Variants in FMN1 observed in about 807,000 individuals in gnomAD.
The protein encoded by FMN1 is formin-1.
In FMN1, 110 loss-of-function variants were observed where a neutral mutation model predicts 132.4. The ratio of observed to expected loss-of-function variants is 0.83; its 90% CI spans 0.71 to 0.97. FMN1 has a LOEUF of 0.97. Among genes scored for constraint, FMN1 ranks in the 50% least tolerant of loss-of-function variants. The pLI is 0.00. For missense variants in FMN1, 1,792 were observed against 1,705.3 expected (o/e 1.05, Z -0.90); for synonymous variants, 722 against 651.7 (o/e 1.11, Z -1.64).
At chr15:32,847,657 A>T (rs1257305292) in intron 17 of FMN1, among the ~76,000 whole-genome samples, 1 of 152,210 alleles carries the variant, frequency 6.6e-6, no homozygotes. Flanking sequence ...GATCGAGACC[A>T]TCCTGGCTAA....
chr15:32,887,001 A>G (rs1304692702), intron 16 of FMN1, among the ~76,000 whole-genome samples: 1 of 149,716 alleles, frequency 6.7e-6, no homozygotes, highest in Admixed American at 6.6e-5. Flanking sequence ...AATGGGAGAA[A>G]AAAAACCCAC....
chr15:32,928,298 CAG>C (rs1356786119), intron 9 of FMN1, among the ~76,000 whole-genome samples: 1 of 151,078 alleles, frequency 6.6e-6, no homozygotes, highest in Non-Finnish European at 1.5e-5. Context: ...AGAAGGTACT[CAG>C]TAATTTTTTA....
intron 4 of FMN1, among the ~76,000 whole-genome samples, chr15:33,146,495 G>A (rs997623159): frequency 6.7e-6 from 1 of 150,146 alleles, no homozygotes; most frequent in African/African-American, 2.5e-5. Flanking sequence ...CTGATTTCAA[G>A]TTCTTTCCTA....
chr15:32,976,696 G>A (rs887605873), intron 7 of FMN1, among the ~76,000 whole-genome samples: 1 of 152,138 alleles, frequency 6.6e-6, no homozygotes, highest in African/African-American at 2.4e-5. Flanking sequence ...CTTGCTGGGA[G>A]GGATAAAGAA....
chr15:33,194,255 G>T (rs1414183559), intron 1 of FMN1, among the ~76,000 whole-genome samples, 195 bp from the exon 2 acceptor site: 1 of 16,808 alleles, frequency 5.9e-5, no homozygotes, highest in Non-Finnish European at 1.1e-4. Context: ...CCGCCCTCCC[G>T]CCCTCCACCT....
chr15:32,965,689 T>C (rs948875826), intron 8 of FMN1, among the ~76,000 whole-genome samples: 1 of 152,184 alleles, frequency 6.6e-6, no homozygotes, highest in Non-Finnish European at 1.5e-5. Context: ...CCATGATATA[T>C]GACATTTTGG....
intron 3 of FMN1, among the ~76,000 whole-genome samples, chr15:33,160,399 A>G (rs956587940): frequency 6.6e-6 from 1 of 152,206 alleles, no homozygotes; most frequent in Non-Finnish European, 1.5e-5. Flanking sequence ...ATGAACTTCA[A>G]CCTCAACCCT....
chr15:32,918,967 A>AC (rs2060752045), intron 10 of FMN1, among the ~76,000 whole-genome samples: 4 of 152,232 alleles, frequency 2.6e-5, no homozygotes, highest in Non-Finnish European at 5.9e-5. Context: ...AAAGGAAAAT[A>AC]TTAGAGTGAC....
At chr15:32,939,454 T>G (rs928421603) in intron 9 of FMN1, among the ~76,000 whole-genome samples, 6 of 152,190 alleles carry the variant, frequency 3.9e-5, no homozygotes, top group African/African-American at 1.4e-4. Context: ...CAAAGATTTT[T>G]TTTTTAATTT....
At chr15:32,974,814 A>G (rs1402300151) in intron 7 of FMN1, among the ~76,000 whole-genome samples, 2 of 152,248 alleles carry the variant, frequency 1.3e-5, no homozygotes, top group Middle Eastern at 3.2e-3. Flanking sequence ...TCATTTCAGA[A>G]TCTCCAAAGT....
chr15:33,144,373 A>T (rs1294375617), intron 4 of FMN1, among the ~76,000 whole-genome samples: 1 of 152,070 alleles, frequency 6.6e-6, no homozygotes, highest in Non-Finnish European at 1.5e-5. Context: ...ATGGTGGCTC[A>T]CTCCTGTAAT....
At chr15:33,093,442 A>C (rs1480307006) in intron 4 of FMN1, among the ~76,000 whole-genome samples, 2 of 152,296 alleles carry the variant, frequency 1.3e-5, no homozygotes, top group Non-Finnish European at 1.5e-5. Context: ...TGTGGAGTGG[A>C]TGTGTGGCTG....
chr15:32,910,249 C>T (rs1455287355), intron 11 of FMN1, among the ~76,000 whole-genome samples: 1 of 152,174 alleles, frequency 6.6e-6, no homozygotes, highest in African/African-American at 2.4e-5. Context: ...CCTGAGATGC[C>T]CTGCCTTGCA....
intron 3 of FMN1, among the ~76,000 whole-genome samples, chr15:33,173,697 G>T (rs751145877): frequency 1.3e-5 from 2 of 152,260 alleles, no homozygotes; most frequent in African/African-American, 2.4e-5. Flanking sequence ...GGGAGGCCAA[G>T]GCGGGCGGAT....
intron 17 of FMN1, among the ~76,000 whole-genome samples, chr15:32,839,399 G>A (rs562110229): frequency 2.0e-5 from 3 of 152,050 alleles, no homozygotes; most frequent in Non-Finnish European, 4.4e-5. Context: ...TGGATGCTTG[G>A]CATTTGCTAC....
intron 4 of FMN1, among the ~76,000 whole-genome samples, chr15:33,111,987 A>G (rs544243728): frequency 6.6e-6 from 1 of 152,314 alleles, no homozygotes; most frequent in Admixed American, 6.5e-5. Flanking sequence ...TCAAGTTACC[A>G]TTTTATATGA....
intron 16 of FMN1, chr15:32,860,586 C>G (rs774229387): frequency 6.6e-6 from 1 of 152,176 alleles, no homozygotes; most frequent in African/African-American, 2.4e-5. Flanking sequence ...CCAGGGAGGT[C>G]GACACTGCAA....
chr15:33,112,058 T>C (rs992021743), intron 4 of FMN1, among the ~76,000 whole-genome samples: 1 of 152,196 alleles, frequency 6.6e-6, no homozygotes, highest in African/African-American at 2.4e-5. Context: ...AACAAAGTTT[T>C]TGTATCTTTT....
chr15:32,915,545 G>A (rs1384949022), intron 10 of FMN1, among the ~76,000 whole-genome samples: 2 of 152,142 alleles, frequency 1.3e-5, no homozygotes, highest in African/African-American at 2.4e-5. Context: ...TCTCTTCCAC[G>A]CATGTGTGTG....
Sources: gnomAD v4.1 joint callset for allele counts (sites outside exome capture counted in the v4.1 genomes callset) on GRCh38, gnomAD v4.1.1 for gene constraint, MANE v1.5 for transcripts, NCBI Gene and HGNC (gene_info 2026-07-23, HGNC 2026-07-21) for gene names.